The following MED27 variants were observed in gnomAD, a reference collection of about 807,000 sequenced individuals.
MED27 encodes mediator of RNA polymerase II transcription subunit 27.
In MED27, 30 loss-of-function variants were observed where a neutral mutation model predicts 38.2. The ratio of observed to expected loss-of-function variants is 0.79; its 90% CI spans 0.59 to 1.07. The LOEUF is 1.07. Ranked by LOEUF, MED27 falls within the 50% of genes least tolerant of loss-of-function variation. MED27 has a pLI of 0.00. For synonymous variants in MED27, 122 were observed against 153.5 expected (o/e 0.79, Z 1.52); for missense variants, 289 against 397.5 (o/e 0.73, Z 2.32).
chr9:131,876,400 A>G (rs1475575397), intron 6 of MED27, among the ~76,000 whole-genome samples: 2 of 152,136 alleles, frequency 1.3e-5, no homozygotes, highest in African/African-American at 4.8e-5. Flanking sequence ...AACTGGGTTC[A>G]TGTGAGCTCC....
At chr9:132,000,694 A>C (rs1832209196) in intron 3 of MED27, among the ~76,000 whole-genome samples, 1 of 152,174 alleles carries the variant, frequency 6.6e-6, no homozygotes, top group African/African-American at 2.4e-5. Context: ...TACATGCAAC[A>C]ATATGGATGA....
At chr9:132,041,380 T>C (rs187235759) in intron 2 of MED27, among the ~76,000 whole-genome samples, 1 of 152,344 alleles carries the variant, frequency 6.6e-6, no homozygotes, top group East Asian at 1.9e-4. Flanking sequence ...AGCTCTGTGA[T>C]TTGGGTGCAA....
intron 2 of MED27, among the ~76,000 whole-genome samples, chr9:132,033,673 C>T (rs1386093966): frequency 6.6e-6 from 1 of 152,218 alleles, no homozygotes; most frequent in East Asian, 1.9e-4. Flanking sequence ...TAACGGAATG[C>T]TGCCTTCCTA....
At chr9:132,029,628 A>C (rs1313220626) in intron 2 of MED27, among the ~76,000 whole-genome samples, 1 of 152,194 alleles carries the variant, frequency 6.6e-6, no homozygotes, top group Non-Finnish European at 1.5e-5. Context: ...CAATGAGCAA[A>C]TTATGATATT....
intron 3 of MED27, among the ~76,000 whole-genome samples, chr9:131,966,662 G>C (rs1370359844): frequency 1.3e-5 from 2 of 152,110 alleles, no homozygotes; most frequent in Non-Finnish European, 2.9e-5. Flanking sequence ...TCACTATACT[G>C]ATGCTGGGTG....
At chr9:132,036,760 G>A (rs1021112204) in intron 2 of MED27, among the ~76,000 whole-genome samples, 4 of 152,150 alleles carry the variant, frequency 2.6e-5, no homozygotes, top group African/African-American at 9.7e-5. Flanking sequence ...TACAGTGTTA[G>A]GTGCTAATAA....
intron 3 of MED27, among the ~76,000 whole-genome samples, chr9:131,993,047 C>T (rs117299831): frequency 0.01 from 1,557 of 152,262 alleles, 86 homozygotes; most frequent in Admixed American, 0.075. Context: ...CAAGAAATCT[C>T]ACTCCAGAAC....
chr9:131,940,696 G>A (rs1291902511), intron 3 of MED27, among the ~76,000 whole-genome samples: 5 of 152,174 alleles, frequency 3.3e-5, no homozygotes, highest in Admixed American at 1.3e-4. Context: ...GATTACAGGC[G>A]TGAGCCACTG....
intron 3 of MED27, among the ~76,000 whole-genome samples, chr9:131,974,092 T>G (rs1831551437): frequency 6.6e-6 from 1 of 152,210 alleles, no homozygotes; most frequent in African/African-American, 2.4e-5. Flanking sequence ...CAGTATGTCA[T>G]CATGTAACTG....
At chr9:132,071,542 C>A (rs1459179831) in intron 2 of MED27, among the ~76,000 whole-genome samples, 1 of 151,902 alleles carries the variant, frequency 6.6e-6, no homozygotes, top group African/African-American at 2.4e-5. Context: ...GTAACACACA[C>A]CCCATGAACG....
At chr9:132,031,905 A>C (rs962640106) in intron 2 of MED27, 4 of 152,248 alleles carry the variant, frequency 2.6e-5, no homozygotes, top group African/African-American at 9.6e-5. Flanking sequence ...GTAACACTTA[A>C]TTTTATTTCA....
At chr9:131,900,599 G>T (rs1829924422) in intron 4 of MED27, among the ~76,000 whole-genome samples, 1 of 151,834 alleles carries the variant, frequency 6.6e-6, no homozygotes, top group Non-Finnish European at 1.5e-5. Flanking sequence ...AGGATCAGGG[G>T]AGGTGAGCTG....
intron 3 of MED27, among the ~76,000 whole-genome samples, chr9:131,961,757 T>A (rs1831220389): frequency 6.6e-6 from 1 of 152,182 alleles, no homozygotes; most frequent in African/African-American, 2.4e-5. Context: ...CCTGGCCATA[T>A]CCACAGGGGC....
intron 4 of MED27, among the ~76,000 whole-genome samples, chr9:131,907,773 G>A (rs2131530438): frequency 6.6e-6 from 1 of 150,886 alleles, no homozygotes; most frequent in East Asian, 2.0e-4. Context: ...AGGAATTGAG[G>A]AGCGCCTCTT....
intron 3 of MED27, among the ~76,000 whole-genome samples, chr9:131,994,879 G>A (rs1400308900): frequency 6.6e-6 from 1 of 152,126 alleles, no homozygotes; most frequent in Admixed American, 6.5e-5. Flanking sequence ...GGAGGAAGGG[G>A]GAAGTGTCCA....
At chr9:131,969,424 G>A (rs1177670069) in intron 3 of MED27, among the ~76,000 whole-genome samples, 1 of 152,118 alleles carries the variant, frequency 6.6e-6, no homozygotes, top group Non-Finnish European at 1.5e-5. Context: ...TTCAATGGAG[G>A]TTTCTTCTTG....
At position 131,862,482 on chromosome 9, in the gene MED27, G is replaced by A. The variant is rs1295558532; in HGVS notation, c.801+581C>T. On this transcript the variant is annotated intron_variant, in intron 7 of 7. Coordinates refer to ENST00000292035, the MANE Select transcript of MED27 (RefSeq NM_004269.4). The surrounding 1 kb of genome is among the most constrained non-coding windows in gnomAD (Gnocchi z 4.6). Reference sequence around the variant, plus strand: ...GATAAATGCTGATAAACTGGCCCTGGGGTTCGGGGGAAGTCCTGACTTGCA... The same window carrying A: ...GATAAATGCTGATAAACTGGCCCTGAGGTTCGGGGGAAGTCCTGACTTGCA... Among the ~76,000 whole-genome samples, 3 of 152,184 alleles carry A rather than the reference G, an allele frequency of 2.0e-5. No homozygotes were observed.
intron 3 of MED27, among the ~76,000 whole-genome samples, chr9:131,991,867 G>A (rs1272503609): frequency 1.3e-5 from 2 of 152,024 alleles, no homozygotes; most frequent in Non-Finnish European, 2.9e-5. Flanking sequence ...GATTACAGGC[G>A]AGCGCCACCA....
rs1346700963 is a variant in MED27 at position 131,892,935 on chromosome 9, G to A, written c.681+950C>T. ...CCTTGGAGCAGGAGTTGCATCCCAC[G>A]TAGACAACACTTGTGTGGAATGTGG... On this transcript the variant is annotated intron_variant, in intron 5 of 7. Transcript: ENST00000292035. 2.6e-5 allele frequency among the ~76,000 whole-genome samples: 4 copies of A among 152,346 alleles called. No individual in the cohort carries two copies. In the South Asian group the frequency reaches 6.2e-4, roughly 24 times the overall value.
Sources: gnomAD v4.1 joint callset for allele counts (sites outside exome capture counted in the v4.1 genomes callset) on GRCh38, gnomAD v4.1.1 for gene constraint, Gnocchi (gnomAD v3.1) non-coding constraint, MANE v1.5 for transcripts, NCBI Gene and HGNC (gene_info 2026-07-23, HGNC 2026-07-21) for gene names.